Variants in ATXN3 observed in about 807,000 individuals in gnomAD.
ATXN3 encodes ataxin 3.
In ATXN3, 28 loss-of-function variants were observed where a neutral mutation model predicts 58.2. The ratio of observed to expected loss-of-function variants is 0.48; its 90% confidence interval spans 0.36 to 0.66. The LOEUF is 0.66. Ranked by LOEUF, ATXN3 falls within the 30% of genes least tolerant of loss-of-function variation. The pLI is 0.00. For synonymous variants in ATXN3, 113 were observed against 138.5 expected (o/e 0.82, Z 1.29); for missense variants, 321 against 422.1 (o/e 0.76, Z 2.10).
intron 1 of ATXN3, chr14:92,049,482 T>C (rs1381989283): frequency 6.5e-6 from 1 of 152,698 alleles, no homozygotes; most frequent in East Asian, 1.9e-4. Flanking sequence ...ACGGATAAAA[T>C]GTGTCTCCTT....
chr14:92,076,099 T>C (rs2060299339), intron 9 of ATXN3, among the ~76,000 whole-genome samples: 1 of 152,216 alleles, frequency 6.6e-6, no homozygotes, highest in East Asian at 1.9e-4. Context: ...GACATTGTAC[T>C]TGTTATAACT....
At position 92,097,274 on chromosome 14, in the gene ATXN3, C is replaced by T. The variant is rs550449337; in HGVS notation, c.25-436G>A. Among the ~76,000 whole-genome samples the T allele has an allele frequency of 6.8e-4, 102 of 150,486 alleles. No individual in the cohort carries two copies. The Middle Eastern group carries it at 0.017, about 25-fold the overall frequency. ...ACAGAGTCTTGCTCTGTTGTCCAGG[C>T]TGGAGTGCAGTGGAGCAATCTCAGC... On this transcript the variant is annotated intron_variant, in intron 1 of 10. Transcript: ENST00000644486.
intron 1 of ATXN3, among the ~76,000 whole-genome samples, chr14:92,103,141 A>C (rs2067250391): frequency 7.0e-6 from 1 of 142,848 alleles, no homozygotes; most frequent in Admixed American, 7.5e-5. Flanking sequence ...AGCAGGCACC[A>C]GAACTAAAAC....
chr14:92,066,080 A>G (rs1465945777), intron 10 of ATXN3, among the ~76,000 whole-genome samples: 1 of 136,220 alleles, frequency 7.3e-6, no homozygotes, highest in African/African-American at 3.0e-5. Flanking sequence ...GCACTTACGG[A>G]GTGTAATACT....
At chr14:92,098,406 G>A (rs906340910) in intron 1 of ATXN3, among the ~76,000 whole-genome samples, 2 of 152,066 alleles carry the variant, frequency 1.3e-5, no homozygotes, top group South Asian at 2.1e-4. Context: ...TGACCAATAC[G>A]GTGAAACCTC....
intron 8 of ATXN3, among the ~76,000 whole-genome samples, chr14:92,081,711 A>T (rs2061516525): frequency 6.6e-6 from 1 of 152,144 alleles, no homozygotes; most frequent in Non-Finnish European, 1.5e-5. Context: ...TAGAAAGTAG[A>T]AGCAAATACA....
intron 5 of ATXN3, among the ~76,000 whole-genome samples, chr14:92,091,076 C>T (rs1178209363): frequency 2.0e-5 from 3 of 151,426 alleles, no homozygotes; most frequent in Admixed American, 1.3e-4. Flanking sequence ...TGAACCACTG[C>T]ACCCAGCTAG....
At chr14:92,075,169 T>G (rs1201473797) in intron 9 of ATXN3, among the ~76,000 whole-genome samples, 1 of 147,008 alleles carries the variant, frequency 6.8e-6, no homozygotes, top group Admixed American at 6.8e-5. Flanking sequence ...TTTTTTTTTT[T>G]TTTTTTTTTT....
At chr14:92,096,292 A>G in intron 2 of ATXN3, 155 bp from the exon 3 acceptor site, 1 of 1,513,612 alleles carries the variant, frequency 6.6e-7, no homozygotes, top group South Asian at 1.3e-5. Context: ...CCCTATAGGA[A>G]GAATGGCCCA....
At chr14:92,100,158 TA>T (rs1390304388) in intron 1 of ATXN3, among the ~76,000 whole-genome samples, 1 of 152,186 alleles carries the variant, frequency 6.6e-6, no homozygotes, top group Non-Finnish European at 1.5e-5. Flanking sequence ...TGTTGTATAC[TA>T]CTGATGAGAG....
chr14:92,067,497 A>G (rs12147367), intron 10 of ATXN3, among the ~76,000 whole-genome samples: 43,177 of 152,060 alleles, frequency 0.28, 6,503 homozygotes, highest in African/African-American at 0.39. Flanking sequence ...CCCAGGTTCC[A>G]GTGATTTTCC....
At chr14:92,052,189 A>C (rs2057451071), upstream of ATXN3, among the ~76,000 whole-genome samples, 1 of 152,020 alleles carries the variant, frequency 6.6e-6, no homozygotes, top group Non-Finnish European at 1.5e-5. Context: ...TCCTCCAAAA[A>C]ACAAAAAAAA....
chr14:92,101,873 G>A (rs2066888615), intron 1 of ATXN3, among the ~76,000 whole-genome samples: 1 of 150,160 alleles, frequency 6.7e-6, no homozygotes, highest in Non-Finnish European at 1.5e-5. Flanking sequence ...ATAAAAAATA[G>A]GCTGGGCGTG....
intron 6 of ATXN3, among the ~76,000 whole-genome samples, chr14:92,083,952 T>C (rs2061926388): frequency 6.6e-6 from 1 of 152,214 alleles, no homozygotes; most frequent in African/African-American, 2.4e-5. Flanking sequence ...GGATGCTTCC[T>C]GCCCTCAAAC....
At chr14:92,075,674 G>A (rs56057930) in intron 9 of ATXN3, among the ~76,000 whole-genome samples, 22,390 of 152,096 alleles carry the variant, frequency 0.15, 2,019 homozygotes, top group African/African-American at 0.26. Context: ...GGAAGAAAGA[G>A]TTAGCTTGAT....
At chr14:92,081,487 G>A (rs796575585) in intron 8 of ATXN3, among the ~76,000 whole-genome samples, 219 of 116,446 alleles carry the variant, frequency 1.9e-3, no homozygotes, top group Middle Eastern at 4.3e-3. Context: ...AAAAAAAAAA[G>A]AAAGAAAAAA....
chr14:92,079,908 T>C (rs183615675), intron 9 of ATXN3, among the ~76,000 whole-genome samples: 218 of 152,222 alleles, frequency 1.4e-3, no homozygotes, highest in South Asian at 5.6e-3. Flanking sequence ...CGGCTAATTT[T>C]TGTATTTTTA....
At chr14:92,086,066 C>G (rs919652002) in intron 6 of ATXN3, among the ~76,000 whole-genome samples, 12 of 152,040 alleles carry the variant, frequency 7.9e-5, no homozygotes, top group African/African-American at 2.9e-4. Flanking sequence ...ATAACAAACC[C>G]AGCAGCAATA....
chr14:92,074,376 TTTGG>T (rs2059988526), intron 9 of ATXN3, among the ~76,000 whole-genome samples: 1 of 152,098 alleles, frequency 6.6e-6, no homozygotes, highest in African/African-American at 2.4e-5. Context: ...CTCCCTCCAC[TTTGG>T]TTGTTCTCTG....
Sources: allele counts gnomAD v4.1 joint callset (sites outside exome capture counted in the v4.1 genomes callset), GRCh38; gene constraint gnomAD v4.1.1; transcripts MANE v1.5; gene names NCBI Gene and HGNC (gene_info 2026-07-23, HGNC 2026-07-21).